The following TRPM3 variants were observed in gnomAD, a reference collection of about 807,000 sequenced individuals.
TRPM3 encodes long transient receptor potential channel 3.
In TRPM3, 77 loss-of-function variants were observed where a neutral mutation model predicts 181.2. The ratio of observed to expected loss-of-function variants is 0.42; its 90% CI spans 0.35 to 0.51. TRPM3 has a LOEUF of 0.51. Ranked by LOEUF, TRPM3 falls within the 20% of genes least tolerant of loss-of-function variation. TRPM3 has a pLI of 0.01. For missense variants in TRPM3, 1,759 were observed against 2,196.7 expected (o/e 0.80, Z 3.98); for synonymous variants, 745 against 796.4 (o/e 0.94, Z 1.09).
chr9:71,341,081 G>T (rs988582673), intron 1 of TRPM3, among the ~76,000 whole-genome samples: 6 of 151,954 alleles, frequency 3.9e-5, no homozygotes, highest in Non-Finnish European at 8.8e-5. Flanking sequence ...GTCTATATTG[G>T]TTACATAAAT....
intron 1 of TRPM3, among the ~76,000 whole-genome samples, chr9:71,004,015 C>T (rs1046222923): frequency 1.3e-5 from 2 of 152,198 alleles, no homozygotes; most frequent in African/African-American, 4.8e-5. Context: ...TTTGATCTTT[C>T]CACTAGTCTA....
upstream of TRPM3, among the ~76,000 whole-genome samples, chr9:71,124,285 T>A: frequency 6.6e-6 from 1 of 151,582 alleles, no homozygotes. Context: ...CCTTCCCCAG[T>A]TTTAGAGAGA....
At chr9:70,948,900 C>T (rs1385733097) in intron 1 of TRPM3, among the ~76,000 whole-genome samples, 1 of 152,134 alleles carries the variant, frequency 6.6e-6, no homozygotes, top group Non-Finnish European at 1.5e-5. Context: ...TCAAAAGTTT[C>T]ATCATATTGT....
rs765320814 is a variant in TRPM3, at chr9:70,537,357, G to A, written c.3756C>T (p.His1252=). Residue 1252 remains histidine (H), a synonymous_variant, in exon 26 of 26, where the codon CAC becomes CAT. Transcript: ENST00000677713. Reference sequence around the variant, plus strand: ...CGGTCTGGAGTGAAGCCTTCATGGAGTGCTCTCTCTCGTTGACTTCCTCCA... The same window carrying A: ...CGGTCTGGAGTGAAGCCTTCATGGAATGCTCTCTCTCGTTGACTTCCTCCA... ...MRLEEVNERE[H]SMKASLQTVD... is the part of the protein sequence containing the mutation. 2.7e-6 allele frequency: 4 copies of A among 1,502,966 alleles called. No individual in the cohort carries two copies. The highest frequency in any genetic ancestry group is 2.7e-6 in the Non-Finnish European group (3 of 1,124,948). 93.1% of individuals were successfully genotyped at this position (1,502,966 alleles called of 1,614,324 possible).
intron 22 of TRPM3, among the ~76,000 whole-genome samples, chr9:70,560,422 G>A (rs550572172): frequency 7.2e-5 from 11 of 152,268 alleles, no homozygotes; most frequent in African/African-American, 1.2e-4. Flanking sequence ...GCCACCTACC[G>A]CAGGCTTAAA....
chr9:70,880,846 T>G (rs532669883), intron 1 of TRPM3, among the ~76,000 whole-genome samples: 2 of 152,294 alleles, frequency 1.3e-5, no homozygotes, highest in Admixed American at 1.3e-4. Flanking sequence ...TTAGTGCTTC[T>G]GTTCTTACAG....
At chr9:70,817,382 G>T (rs1002836794) in intron 6 of TRPM3, among the ~76,000 whole-genome samples, 4 of 152,148 alleles carry the variant, frequency 2.6e-5, no homozygotes, top group African/African-American at 7.2e-5. Context: ...GAATGCCAGA[G>T]CAAAGGAGAT....
intron 25 of TRPM3, among the ~76,000 whole-genome samples, chr9:70,543,230 G>A (rs1195072930): frequency 6.6e-6 from 1 of 152,076 alleles, no homozygotes; most frequent in Admixed American, 6.6e-5. Context: ...TACATAGTAG[G>A]TGTATATATT....
At chr9:70,996,253 A>G (rs2134180539) in intron 1 of TRPM3, among the ~76,000 whole-genome samples, 1 of 152,354 alleles carries the variant, frequency 6.6e-6, no homozygotes, top group Middle Eastern at 3.4e-3. Flanking sequence ...TGATCTTCAG[A>G]CAGGGGCTCA....
intron 1 of TRPM3, among the ~76,000 whole-genome samples, chr9:71,041,556 T>C (rs968071290): frequency 2.0e-5 from 3 of 152,108 alleles, no homozygotes; most frequent in Non-Finnish European, 4.4e-5. Flanking sequence ...TTCTTGGCAA[T>C]GTCCAAATCG....
At chr9:70,943,995 G>A (rs1323742329) in intron 1 of TRPM3, among the ~76,000 whole-genome samples, 1 of 152,168 alleles carries the variant, frequency 6.6e-6, no homozygotes, top group Non-Finnish European at 1.5e-5. Context: ...GGTAAGGCTG[G>A]TCTCGAACTG....
At chr9:71,189,088 T>C (rs1474125504) in intron 1 of TRPM3, among the ~76,000 whole-genome samples, 1 of 151,910 alleles carries the variant, frequency 6.6e-6, no homozygotes, top group Non-Finnish European at 1.5e-5. Context: ...AGGATACTTC[T>C]GAACATGAGT....
At chr9:71,245,960 G>A (rs1419131210) in intron 1 of TRPM3, among the ~76,000 whole-genome samples, 1 of 152,152 alleles carries the variant, frequency 6.6e-6, no homozygotes, top group Admixed American at 6.5e-5. Flanking sequence ...AAAGGAGAAT[G>A]GCTTTTTTAT....
chr9:71,245,545 T>C (rs2081989245), intron 1 of TRPM3, among the ~76,000 whole-genome samples: 1 of 152,098 alleles, frequency 6.6e-6, no homozygotes, highest in Non-Finnish European at 1.5e-5. Flanking sequence ...AGGTGTAACA[T>C]AATTACAATT....
intron 1 of TRPM3, among the ~76,000 whole-genome samples, chr9:71,312,409 C>T (rs561780394): frequency 8.5e-5 from 13 of 152,048 alleles, no homozygotes; most frequent in Non-Finnish European, 1.9e-4. Flanking sequence ...CAAATGCTGA[C>T]AAGGATGTGG....
intron 1 of TRPM3, among the ~76,000 whole-genome samples, chr9:70,959,650 T>A (rs1164723180): frequency 6.6e-6 from 1 of 152,162 alleles, no homozygotes; most frequent in Non-Finnish European, 1.5e-5. Flanking sequence ...GTTTTCCTTC[T>A]GAGACTTCTG....
At chr9:70,939,690 A>C (rs1489110826) in intron 1 of TRPM3, among the ~76,000 whole-genome samples, 2 of 152,250 alleles carry the variant, frequency 1.3e-5, no homozygotes, top group Non-Finnish European at 2.9e-5. Flanking sequence ...GAGATAGCTC[A>C]ATCTTTTGAA....
intron 1 of TRPM3, among the ~76,000 whole-genome samples, chr9:71,118,642 G>A (rs745677713): frequency 1.3e-5 from 2 of 152,124 alleles, no homozygotes; most frequent in Non-Finnish European, 2.9e-5. Context: ...ACTGAGAGAG[G>A]GCAGGTCATA....
At chr9:71,380,387 C>T (rs1427062015) in intron 1 of TRPM3, among the ~76,000 whole-genome samples, 2 of 151,922 alleles carry the variant, frequency 1.3e-5, no homozygotes, top group Non-Finnish European at 2.9e-5. Context: ...GGTAATATTA[C>T]CAATTAGAGA....
Sources: allele counts gnomAD v4.1 joint callset (sites outside exome capture counted in the v4.1 genomes callset), GRCh38; gene constraint gnomAD v4.1.1; transcripts MANE v1.5; gene names NCBI Gene and HGNC (gene_info 2026-07-23, HGNC 2026-07-21).